Variants in NPAS2 observed in about 807,000 individuals in gnomAD.
NPAS2 encodes neuronal PAS domain-containing protein 2.
In NPAS2, 23 loss-of-function variants were observed where a neutral mutation model predicts 107.5. The ratio of observed to expected loss-of-function variants is 0.21; its 90% CI spans 0.15 to 0.30. NPAS2 has a LOEUF of 0.30. NPAS2 is among the 10% of genes least tolerant of loss of function. NPAS2 has a pLI of 1.00. For missense variants in NPAS2, 756 were observed against 1,043.3 expected (o/e 0.72, Z 3.79); for synonymous variants, 403 against 417.5 (o/e 0.97, Z 0.42).
chr2:100,958,935 G>A (rs1229486583), intron 7 of NPAS2, among the ~76,000 whole-genome samples: 1 of 151,994 alleles, frequency 6.6e-6, no homozygotes, highest in African/African-American at 2.4e-5. Context: ...AAGACATGTA[G>A]TTTCCCTTTA....
chr2:100,869,701 G>C (rs1027594862), intron 1 of NPAS2, among the ~76,000 whole-genome samples: 1 of 152,048 alleles, frequency 6.6e-6, no homozygotes, highest in Admixed American at 6.6e-5. Flanking sequence ...CTTTGAGGTC[G>C]AGCTTTACAA....
intron 1 of NPAS2, among the ~76,000 whole-genome samples, chr2:100,877,273 G>A (rs1200954645): frequency 6.6e-6 from 1 of 151,952 alleles, no homozygotes; most frequent in Non-Finnish European, 1.5e-5. Flanking sequence ...GACCATCCTG[G>A]CTAACACAGT....
intron 10 of NPAS2, among the ~76,000 whole-genome samples, chr2:100,966,011 G>T (rs369849463): frequency 5.3e-5 from 8 of 152,068 alleles, no homozygotes; most frequent in Non-Finnish European, 8.8e-5. Flanking sequence ...CCAGATAGGC[G>T]CCCTGTTTAA....
intron 2 of NPAS2, among the ~76,000 whole-genome samples, chr2:100,917,538 TAAA>T (rs1277237438): frequency 6.6e-6 from 1 of 151,246 alleles, no homozygotes; most frequent in Non-Finnish European, 1.5e-5. Context: ...AAAAAAATAA[TAAA>T]AATAATAAAA....
At chr2:100,983,217 C>G (rs1283247311) in intron 16 of NPAS2, 1 of 152,264 alleles carries the variant, frequency 6.6e-6, no homozygotes, top group Admixed American at 6.5e-5. Context: ...TCTGCTGGAG[C>G]ACTGTCCCTG....
chr2:100,992,953 G>A (rs947848841), intron 19 of NPAS2, among the ~76,000 whole-genome samples: 8 of 150,674 alleles, frequency 5.3e-5, no homozygotes, highest in African/African-American at 1.2e-4. Context: ...GCTTTGAGAC[G>A]GAGTCTCACT....
intron 2 of NPAS2, among the ~76,000 whole-genome samples, chr2:100,917,019 A>G (rs887356268): frequency 6.6e-6 from 1 of 152,200 alleles, no homozygotes; most frequent in Non-Finnish European, 1.5e-5. Context: ...CCGCTACAGC[A>G]ATGCTTAGAG....
At chr2:100,919,806 C>A (rs978882413) in intron 2 of NPAS2, among the ~76,000 whole-genome samples, 11 of 152,188 alleles carry the variant, frequency 7.2e-5, no homozygotes, top group African/African-American at 2.4e-4. Context: ...GACTATGCAC[C>A]CCTCAAAGCC....
chr2:100,912,651 A>G (rs946042705), intron 2 of NPAS2, among the ~76,000 whole-genome samples: 1 of 152,226 alleles, frequency 6.6e-6, no homozygotes, highest in Non-Finnish European at 1.5e-5. Context: ...GCTTTCAACC[A>G]GCATGTCCAC....
chr2:100,879,744 G>A (rs534685793), intron 1 of NPAS2, among the ~76,000 whole-genome samples: 69 of 152,228 alleles, frequency 4.5e-4, no homozygotes, highest in African/African-American at 1.6e-3. Context: ...CACTGGATAT[G>A]GTGCTGTGTT....
At position 100,975,511 on chromosome 2, in the gene NPAS2, G is replaced by T; in HGVS notation, c.1336G>T (p.Ala446Ser). ...CAGCACCCCGGCTTTGCCAAGATCA[G>T]CCACCCTGCCCCAAGAGTTACCTGT... ...EASTPALPRS[A>S]TLPQELPVPG... is the part of the protein sequence containing the mutation. Residue 446 changes from alanine to serine, a missense_variant, in exon 14 of 21, where the codon GCC (alanine) becomes TCC (serine). Around this residue, in one of 4 missense-constraint regions of NPAS2, gnomAD observed 496 missense variants for 594.4 expected, o/e 0.83. Transcript: ENST00000335681. 1 of 1,613,410 alleles carries T rather than the reference G, an allele frequency of 6.2e-7. No homozygotes were observed. The highest frequency in any genetic ancestry group is 8.5e-7 in the Non-Finnish European group (1 of 1,179,682).
chr2:100,952,055 G>T (rs1675256760), intron 7 of NPAS2, among the ~76,000 whole-genome samples: 1 of 151,544 alleles, frequency 6.6e-6, no homozygotes, highest in Non-Finnish European at 1.5e-5. Flanking sequence ...GGGAGGCTGA[G>T]GCAGAAGAAT....
intron 11 of NPAS2, among the ~76,000 whole-genome samples, chr2:100,969,664 A>T (rs1676427358): frequency 6.6e-6 from 1 of 152,092 alleles, no homozygotes; most frequent in African/African-American, 2.4e-5. Context: ...TCATTAGGTG[A>T]TGTTGTCATC....
chr2:100,978,844 G>A (rs1175711550), intron 15 of NPAS2, among the ~76,000 whole-genome samples: 1 of 152,234 alleles, frequency 6.6e-6, no homozygotes, highest in Admixed American at 6.5e-5. Context: ...TGGGTAGGAG[G>A]TTGCCAGATG....
chr2:100,840,767 T>A (rs1298940316), intron 1 of NPAS2, among the ~76,000 whole-genome samples: 1 of 151,984 alleles, frequency 6.6e-6, no homozygotes. Context: ...ACCATATCCA[T>A]CAGAGAAAGT....
At chr2:100,959,685 G>A (rs533297725) in intron 7 of NPAS2, among the ~76,000 whole-genome samples, 1 of 152,198 alleles carries the variant, frequency 6.6e-6, no homozygotes, top group African/African-American at 2.4e-5. Flanking sequence ...CCTCATCACT[G>A]ATAGTTTCAT....
chr2:100,933,120 T>A (rs1684071579), intron 4 of NPAS2, 119 bp downstream of exon 4: 1 of 717,270 alleles, frequency 1.4e-6, no homozygotes, highest in Non-Finnish European at 2.4e-6. Context: ...GACTTGACTT[T>A]GAAACAGATA....
chr2:100,954,165 G>A (rs531974052), intron 7 of NPAS2, among the ~76,000 whole-genome samples: 2 of 152,198 alleles, frequency 1.3e-5, no homozygotes, highest in Non-Finnish European at 2.9e-5. Context: ...GTGTCTGCCC[G>A]GGGATTGGTT....
chr2:100,980,616 CCCA>C (rs1486144325), intron 15 of NPAS2, among the ~76,000 whole-genome samples: 1 of 152,020 alleles, frequency 6.6e-6, no homozygotes, highest in Non-Finnish European at 1.5e-5. Flanking sequence ...ATTACGGGTG[CCCA>C]CCACCACGCC....
Sources: gnomAD v4.1 joint callset for allele counts (sites outside exome capture counted in the v4.1 genomes callset) on GRCh38, gnomAD v4.1.1 for gene constraint, gnomAD v4.1.1 regional missense constraint, MANE v1.5 for transcripts, NCBI Gene and HGNC (gene_info 2026-07-23, HGNC 2026-07-21) for gene names.